The following KCNMB2 variants were observed in gnomAD, a reference collection of about 807,000 sequenced individuals.
KCNMB2 encodes the protein calcium-activated potassium channel subunit beta-2.
In KCNMB2, 9 loss-of-function variants were observed where a neutral mutation model predicts 24.5. That is an observed-to-expected ratio of 0.37 (90% CI 0.22 to 0.64). The LOEUF (loss-of-function observed/expected upper bound fraction) is 0.64. Among genes scored for constraint, KCNMB2 ranks in the 30% least tolerant of loss-of-function variants. The pLI is 0.63. For synonymous variants in KCNMB2, 109 were observed against 104.4 expected (o/e 1.04, Z -0.27); for missense variants, 226 against 284.3 (o/e 0.79, Z 1.47).
intron 2 of KCNMB2, among the ~76,000 whole-genome samples, chr3:178,825,177 A>G (rs1714785710): frequency 6.6e-6 from 1 of 152,228 alleles, no homozygotes; most frequent in South Asian, 2.1e-4. Flanking sequence ...ATTTGAATCA[A>G]TGCTCCATTA....
At chr3:178,711,390 T>C (rs542000569) in intron 1 of KCNMB2, among the ~76,000 whole-genome samples, 1 of 152,306 alleles carries the variant, frequency 6.6e-6, no homozygotes, top group Admixed American at 6.5e-5. Flanking sequence ...ACTTAACTAA[T>C]CCTGAGCTCC....
chr3:178,551,820 A>C (rs1477769), intron 1 of KCNMB2, among the ~76,000 whole-genome samples: 1 of 152,088 alleles, frequency 6.6e-6, no homozygotes, highest in Non-Finnish European at 1.5e-5. Context: ...CCCAAGGTAC[A>C]CAACTTGTAG....
intron 1 of KCNMB2, 43 bp downstream of exon 1, chr3:178,536,754 T>C (rs924130563): frequency 1.3e-5 from 2 of 152,434 alleles, no homozygotes; most frequent in Non-Finnish European, 2.9e-5. Flanking sequence ...TGCTGTTTCA[T>C]GCTTTTTGTT....
At chr3:178,540,272 T>C (rs1715572407) in intron 1 of KCNMB2, among the ~76,000 whole-genome samples, 1 of 152,200 alleles carries the variant, frequency 6.6e-6, no homozygotes, top group Non-Finnish European at 1.5e-5. Flanking sequence ...TTATTTCTTG[T>C]CATTTCCACT....
At chr3:178,694,190 T>G (rs1196099796) in intron 1 of KCNMB2, among the ~76,000 whole-genome samples, 1 of 152,158 alleles carries the variant, frequency 6.6e-6, no homozygotes, top group Non-Finnish European at 1.5e-5. Context: ...TGGACTGGAA[T>G]CCACTTATAA....
intron 1 of KCNMB2, among the ~76,000 whole-genome samples, chr3:178,699,417 T>C (rs1722003171): frequency 6.6e-6 from 1 of 152,036 alleles, no homozygotes; most frequent in Non-Finnish European, 1.5e-5. Context: ...AGCAAAGTGA[T>C]ATGAGGAATT....
intron 1 of KCNMB2, among the ~76,000 whole-genome samples, chr3:178,619,718 A>G (rs940931856): frequency 6.6e-5 from 10 of 152,132 alleles, no homozygotes; most frequent in African/African-American, 2.4e-4. Context: ...TTTGCTTCCA[A>G]CCTTTTCCTT....
chr3:178,557,211 A>G (rs1281577778), intron 1 of KCNMB2, among the ~76,000 whole-genome samples: 2 of 152,132 alleles, frequency 1.3e-5, no homozygotes, highest in African/African-American at 2.4e-5. Context: ...TTCCCAGGTG[A>G]TTCAAATCTG....
chr3:178,641,644 G>A (rs972382177), intron 1 of KCNMB2, among the ~76,000 whole-genome samples: 1 of 151,794 alleles, frequency 6.6e-6, no homozygotes, highest in Non-Finnish European at 1.5e-5. Context: ...TCCCCACTTT[G>A]TATGCATTTT....
intron 1 of KCNMB2, among the ~76,000 whole-genome samples, chr3:178,763,092 T>C (rs1157548167): frequency 1.3e-5 from 2 of 152,088 alleles, no homozygotes; most frequent in African/African-American, 4.8e-5. Context: ...ATGTATAGAT[T>C]TGTGGTGGAA....
chr3:178,718,710 G>C (rs1722699783), intron 1 of KCNMB2, among the ~76,000 whole-genome samples: 1 of 152,172 alleles, frequency 6.6e-6, no homozygotes, highest in South Asian at 2.1e-4. Context: ...CAAATTCCCA[G>C]TTTCTTTCCA....
intron 1 of KCNMB2, among the ~76,000 whole-genome samples, chr3:178,650,760 C>T (rs1256658803): frequency 6.6e-6 from 1 of 152,070 alleles, no homozygotes; most frequent in Admixed American, 6.6e-5. Flanking sequence ...TCAACATAGG[C>T]ATATCAATAT....
chr3:178,765,617 G>A (rs542139417), intron 1 of KCNMB2, among the ~76,000 whole-genome samples: 2 of 86,098 alleles, frequency 2.3e-5, no homozygotes, highest in African/African-American at 1.4e-4. Context: ...GCTAGAATTT[G>A]TGTGTGTGTG....
chr3:178,597,445 G>A (rs10084710), intron 1 of KCNMB2, among the ~76,000 whole-genome samples: 55,762 of 151,994 alleles, frequency 0.37, 10,717 homozygotes, highest in African/African-American at 0.49. Flanking sequence ...GTGCAGGCAT[G>A]TAAAAGCCAC....
At chr3:178,621,740 TAAAA>T (rs1718930572) in intron 1 of KCNMB2, among the ~76,000 whole-genome samples, 1 of 152,110 alleles carries the variant, frequency 6.6e-6, no homozygotes, top group African/African-American at 2.4e-5. Context: ...AAATAAAAAA[TAAAA>T]AATAAAAAAA....
At chr3:178,599,578 G>T (rs992154063) in intron 1 of KCNMB2, among the ~76,000 whole-genome samples, 2 of 151,914 alleles carry the variant, frequency 1.3e-5, no homozygotes, top group African/African-American at 4.8e-5. Flanking sequence ...TTTACCTTGT[G>T]CATTTACTTT....
chr3:178,696,373 A>G (rs1721876009), intron 1 of KCNMB2, among the ~76,000 whole-genome samples: 1 of 151,996 alleles, frequency 6.6e-6, no homozygotes. Flanking sequence ...GATTTTCTAG[A>G]TTGTGTGCAT....
chr3:178,713,796 C>A (rs1418700928), intron 1 of KCNMB2, among the ~76,000 whole-genome samples: 1 of 152,082 alleles, frequency 6.6e-6, no homozygotes, highest in Non-Finnish European at 1.5e-5. Context: ...GAATGGAGGC[C>A]CTTGGAGGTG....
chr3:178,652,430 A>G (rs189120552), intron 1 of KCNMB2, among the ~76,000 whole-genome samples: 1 of 151,998 alleles, frequency 6.6e-6, no homozygotes, highest in East Asian at 1.9e-4. Context: ...AAAAACCTGC[A>G]CGTTCTGCAC....
Sources: allele counts gnomAD v4.1 joint callset (sites outside exome capture counted in the v4.1 genomes callset), GRCh38; gene constraint gnomAD v4.1.1; transcripts MANE v1.5; gene names NCBI Gene and HGNC (gene_info 2026-07-23, HGNC 2026-07-21).